The following RBFOX1 variants were observed in gnomAD, a reference collection of about 807,000 sequenced individuals.
RBFOX1 encodes the protein RNA binding fox-1 homolog 1.
RBFOX1 carries 8 observed loss-of-function variants against 57.7 expected under a neutral mutation model. The observed-to-expected ratio is 0.14, with a 90% confidence interval of 0.08 to 0.25. The LOEUF is 0.25. Ranked by LOEUF, RBFOX1 falls within the 10% of genes least tolerant of loss-of-function variation. The probability of loss-of-function intolerance (pLI) is 1.00; values close to 1 mark genes in which losing one functional copy is unlikely to be tolerated. For missense variants in RBFOX1, 611 were observed against 548.5 expected, an observed-to-expected ratio of 1.11 and a Z score of -1.14; for synonymous variants, 326 against 222.4, an observed-to-expected ratio of 1.47 and a Z score of -4.15.
intron 4 of RBFOX1, among the ~76,000 whole-genome samples, chr16:7,365,908 T>C (rs2146986015): frequency 6.6e-6 from 1 of 152,330 alleles, no homozygotes; most frequent in East Asian, 1.9e-4. Context: ...TTTCTTTGTG[T>C]CAGTTTCACT....
intron 4 of RBFOX1, among the ~76,000 whole-genome samples, chr16:7,297,122 G>C (rs1466740795): frequency 2.0e-5 from 3 of 152,174 alleles, no homozygotes; most frequent in East Asian, 1.9e-4. Flanking sequence ...GACACTGTCT[G>C]TACCTCCTGA....
At chr16:7,695,614 T>C (rs949901157) in intron 14 of RBFOX1, among the ~76,000 whole-genome samples, 11 of 137,394 alleles carry the variant, frequency 8.0e-5, no homozygotes, top group Non-Finnish European at 1.4e-4. Context: ...ACTGCGCCAC[T>C]GCACTCCGGC....
chr16:6,564,441 C>A (rs916772270), intron 2 of RBFOX1, among the ~76,000 whole-genome samples: 1 of 151,316 alleles, frequency 6.6e-6, no homozygotes, highest in Non-Finnish European at 1.5e-5. Flanking sequence ...GCCTGGGCAA[C>A]AGAGTGAGAC....
intron 4 of RBFOX1, among the ~76,000 whole-genome samples, chr16:7,220,139 A>G (rs1377131915): frequency 1.3e-5 from 2 of 152,178 alleles, no homozygotes; most frequent in Admixed American, 6.5e-5. Context: ...CCTAGCACCC[A>G]TCTCCCCTCC....
intron 2 of RBFOX1, among the ~76,000 whole-genome samples, chr16:6,648,260 T>G (rs545186549): frequency 6.6e-6 from 1 of 152,110 alleles, no homozygotes; most frequent in South Asian, 2.1e-4. Flanking sequence ...ACTGTCTCCC[T>G]AAGGTTTCCA....
chr16:5,424,857 C>CT (rs1567489282), intron 1 of RBFOX1, among the ~76,000 whole-genome samples: 5 of 147,798 alleles, frequency 3.4e-5, no homozygotes, highest in African/African-American at 1.3e-4. Context: ...TTCTCTCTCT[C>CT]TCTTCTTTCT....
At chr16:7,138,868 G>A (rs555060262) in intron 4 of RBFOX1, among the ~76,000 whole-genome samples, 4 of 152,152 alleles carry the variant, frequency 2.6e-5, no homozygotes. Flanking sequence ...GAGTGCAATG[G>A]TGTGATTTAG....
At chr16:6,914,572 A>C (rs1192880424) in intron 3 of RBFOX1, among the ~76,000 whole-genome samples, 1 of 152,052 alleles carries the variant, frequency 6.6e-6, no homozygotes, top group African/African-American at 2.4e-5. Context: ...ATAAAAAAAA[A>C]AACCCAAAAC....
At chr16:7,070,706 T>C (rs1010313122) in intron 4 of RBFOX1, among the ~76,000 whole-genome samples, 1 of 152,210 alleles carries the variant, frequency 6.6e-6, no homozygotes, top group African/African-American at 2.4e-5. Flanking sequence ...AATAATACTT[T>C]TCTAAGTAGG....
chr16:7,428,645 A>G (rs1293769724), intron 4 of RBFOX1, among the ~76,000 whole-genome samples: 1 of 151,700 alleles, frequency 6.6e-6, no homozygotes, highest in Admixed American at 6.6e-5. Flanking sequence ...TGCTGGGATT[A>G]CAGGTGTGAG....
chr16:6,589,227 C>T (rs1206144814), intron 2 of RBFOX1, among the ~76,000 whole-genome samples: 1 of 152,192 alleles, frequency 6.6e-6, no homozygotes, highest in African/African-American at 2.4e-5. Context: ...CTCTAACCAG[C>T]CAATGGGTTC....
intron 4 of RBFOX1, among the ~76,000 whole-genome samples, chr16:7,155,743 ACAC>A (rs2076982365): frequency 1.1e-5 from 1 of 90,144 alleles, no homozygotes; most frequent in Non-Finnish European, 2.4e-5. Flanking sequence ...ATATATACAC[ACAC>A]ACACACACAC....
chr16:7,235,087 T>C (rs933540454), intron 4 of RBFOX1, among the ~76,000 whole-genome samples: 1 of 152,198 alleles, frequency 6.6e-6, no homozygotes, highest in Non-Finnish European at 1.5e-5. Flanking sequence ...AGGAAGAATG[T>C]AAAACAGAAA....
chr16:6,074,651 A>G (rs554007311), intron 1 of RBFOX1, among the ~76,000 whole-genome samples: 1 of 152,348 alleles, frequency 6.6e-6, no homozygotes, highest in South Asian at 2.1e-4. Context: ...GTGGTGATTT[A>G]TAGCCAGGAA....
At chr16:7,038,712 G>C (rs1311992325) in intron 3 of RBFOX1, among the ~76,000 whole-genome samples, 6 of 152,074 alleles carry the variant, frequency 3.9e-5, no homozygotes. Flanking sequence ...AGGCCGAAGG[G>C]GATATTGGCC....
At chr16:7,052,299 G>C (rs572140985) in intron 4 of RBFOX1, among the ~76,000 whole-genome samples, 6 of 152,302 alleles carry the variant, frequency 3.9e-5, no homozygotes, top group Admixed American at 1.3e-4. Context: ...TGCCGTTATA[G>C]TAGATATGGA....
intron 3 of RBFOX1, among the ~76,000 whole-genome samples, chr16:6,960,650 C>G (rs1429639125): frequency 6.6e-6 from 1 of 152,020 alleles, no homozygotes. Flanking sequence ...TTCCTCTGTT[C>G]TGGAGACAGG....
chr16:7,570,711 A>T (rs982638840), intron 5 of RBFOX1, among the ~76,000 whole-genome samples: 2 of 152,170 alleles, frequency 1.3e-5, no homozygotes, highest in Non-Finnish European at 2.9e-5. Context: ...CAGAAATACC[A>T]TTTTACCTGG....
chr16:6,332,381 G>A (rs1040020560), intron 2 of RBFOX1, among the ~76,000 whole-genome samples: 2 of 152,154 alleles, frequency 1.3e-5, no homozygotes, highest in Non-Finnish European at 2.9e-5. Context: ...AATCTCCGTG[G>A]AAGTCAAAAT....
Sources: allele counts gnomAD v4.1 joint callset (sites outside exome capture counted in the v4.1 genomes callset), GRCh38; gene constraint gnomAD v4.1.1; transcripts MANE v1.5; gene names NCBI Gene and HGNC (gene_info 2026-07-23, HGNC 2026-07-21).